SPEN: variants seen among roughly 807,000 people sequenced by gnomAD.
SPEN encodes the protein msx2-interacting protein.
A neutral mutation model predicts 269.9 loss-of-function variants in SPEN; 18 were observed. That is an observed-to-expected ratio of 0.07 (90% CI 0.05 to 0.10). The LOEUF (loss-of-function observed/expected upper bound fraction) is 0.10, where lower values mean the gene tolerates loss of function less well. SPEN is among the 10% of genes least tolerant of loss of function. SPEN has a pLI of 1.00. For synonymous variants in SPEN, 1,726 were observed against 1,765.7 expected (o/e 0.98, Z 0.56); for missense variants, 3,822 against 4,631.2 (o/e 0.83, Z 5.07).
intron 2 of SPEN, among the ~76,000 whole-genome samples, chr1:15,875,154 T>TA (rs1331009885): frequency 3.3e-5 from 5 of 152,244 alleles, no homozygotes; most frequent in Non-Finnish European, 5.9e-5. Context: ...GTAGAGAACT[T>TA]ACGATTTCTT....
intron 1 of SPEN, among the ~76,000 whole-genome samples, chr1:15,863,366 A>G (rs2070466635): frequency 6.6e-6 from 1 of 152,172 alleles, no homozygotes; most frequent in South Asian, 2.1e-4. Context: ...TTTACTGGAA[A>G]CAGATGCCTT....
chr1:15,894,105 A>G (rs2070815761), intron 3 of SPEN, among the ~76,000 whole-genome samples: 1 of 152,190 alleles, frequency 6.6e-6, no homozygotes, highest in South Asian at 2.1e-4. Context: ...GAATTAAAAC[A>G]CACACACACT....
rs2071219047 is a variant in SPEN at position 15,931,366 on chromosome 1, A to C, written c.5126A>C (p.Asp1709Ala). ...QVDLPPGADP[D>A]KEAAMMPAGV... ...GACCTGCCCCCAGGAGCAGACCCCG[A>C]TAAAGAAGCTGCCATGATGCCTGCG... Residue 1709 changes from aspartate (D) to alanine (A), a missense_variant, in exon 11 of 15, where the codon GAT (aspartate) becomes GCT (alanine). This residue lies in a region of SPEN where 533 missense variants were observed against 618.8 expected (regional missense o/e 0.86). Coordinates refer to ENST00000375759, the MANE Select transcript of SPEN (RefSeq NM_015001.3). The surrounding 1 kb of genome is among the most constrained non-coding windows in gnomAD (Gnocchi z 4.8). 6.2e-7 allele frequency: 1 copy of C among 1,614,062 alleles called. No homozygotes were observed. Among genetic ancestry groups the C allele is most frequent in the Admixed American group, 1.7e-5 (1 of 59,998 alleles).
intron 1 of SPEN, among the ~76,000 whole-genome samples, chr1:15,865,846 C>T (rs1051414614): frequency 4.0e-5 from 6 of 150,898 alleles, no homozygotes; most frequent in Non-Finnish European, 5.9e-5. Context: ...TGTCTTTTGA[C>T]TTTATATCTT....
intron 3 of SPEN, among the ~76,000 whole-genome samples, chr1:15,891,694 T>C (rs2492596): frequency 0.11 from 16,093 of 151,936 alleles, 1,223 homozygotes; most frequent in Admixed American, 0.23. Flanking sequence ...CTCGCTATGT[T>C]GCCCAGGCTG....
At chr1:15,910,385 A>G (rs1371876426) in intron 4 of SPEN, among the ~76,000 whole-genome samples, 1 of 152,112 alleles carries the variant, frequency 6.6e-6, no homozygotes, top group Non-Finnish European at 1.5e-5. Flanking sequence ...TTAGCATGCT[A>G]CATGACACTT....
chr1:15,910,689 C>T (rs532548644), intron 4 of SPEN, among the ~76,000 whole-genome samples: 15 of 151,366 alleles, frequency 9.9e-5, no homozygotes, highest in Non-Finnish European at 1.6e-4. Context: ...TATTTACACA[C>T]GTATATTTAT....
intron 6 of SPEN, among the ~76,000 whole-genome samples, chr1:15,917,106 TGACAGAGTGA>T (rs2071074323): frequency 6.6e-6 from 1 of 152,158 alleles, no homozygotes; most frequent in Non-Finnish European, 1.5e-5. Context: ...CCAGCGTGGG[TGACAGAGTGA>T]GACCCTGTCT....
intron 3 of SPEN, among the ~76,000 whole-genome samples, chr1:15,889,322 C>T (rs536451499): frequency 6.6e-6 from 1 of 152,012 alleles, no homozygotes; most frequent in African/African-American, 2.4e-5. Flanking sequence ...TGTGCCACCA[C>T]GCCCAACTAA....
At chr1:15,855,865 GA>G (rs939175572) in intron 1 of SPEN, among the ~76,000 whole-genome samples, 56 of 134,972 alleles carry the variant, frequency 4.1e-4, no homozygotes, top group Admixed American at 1.2e-3. Flanking sequence ...TCTGTCTCGA[GA>G]AAAAAAAAAA....
intron 1 of SPEN, among the ~76,000 whole-genome samples, chr1:15,869,119 C>G (rs1426774083): frequency 2.6e-5 from 4 of 151,872 alleles, no homozygotes; most frequent in Non-Finnish European, 4.4e-5. Context: ...TGCAGTGGCG[C>G]GATCTCGGCT....
chr1:15,893,105 C>T (rs955716446), intron 3 of SPEN, among the ~76,000 whole-genome samples: 2 of 152,064 alleles, frequency 1.3e-5, no homozygotes, highest in African/African-American at 4.8e-5. Context: ...TCTCAAACAA[C>T]AACAACAACA....
intron 3 of SPEN, among the ~76,000 whole-genome samples, chr1:15,885,734 A>AAG (rs2070730740): frequency 6.6e-6 from 1 of 152,192 alleles, no homozygotes; most frequent in Non-Finnish European, 1.5e-5. Context: ...GCTTAATGCT[A>AAG]TTTTGGTACT....
chr1:15,909,524 A>G, intron 4 of SPEN, 43 bp downstream of exon 4: 2 of 1,578,002 alleles, frequency 1.3e-6, no homozygotes, highest in South Asian at 2.3e-5. Flanking sequence ...GCTACTACTG[A>G]GGAATGAGGT....
chr1:15,927,296 C>G (rs1024864613), intron 10 of SPEN, among the ~76,000 whole-genome samples: 2 of 152,082 alleles, frequency 1.3e-5, no homozygotes, highest in African/African-American at 4.8e-5. Flanking sequence ...GGGAAAGTGA[C>G]AACATTTACT....
At chr1:15,924,550 T>C (rs2071149554) in intron 10 of SPEN, among the ~76,000 whole-genome samples, 1 of 152,122 alleles carries the variant, frequency 6.6e-6, no homozygotes, top group Admixed American at 6.5e-5. Flanking sequence ...AACCTCTGCC[T>C]CCTGGGTTCA....
At chr1:15,921,133 C>T in intron 9 of SPEN, 150 bp downstream of exon 9, 2 of 421,794 alleles carry the variant, frequency 4.7e-6, no homozygotes, top group Non-Finnish European at 8.6e-6. Context: ...CGAGACCAGC[C>T]TGATGAACAT....
intron 10 of SPEN, 67 bp downstream of exon 10, chr1:15,922,416 C>T: frequency 9.0e-7 from 1 of 1,109,880 alleles, no homozygotes; most frequent in South Asian, 1.4e-5. Flanking sequence ...CTTAAGATGG[C>T]ATTAAATTTT....
Position 15,847,829 on chromosome 1 carries a change from G to C in SPEN, c.-239G>C, listed in dbSNP as rs530590507. On this transcript the variant is annotated 5_prime_UTR_variant, in exon 1 of 15. Transcript: ENST00000375759. ...CCGGGCGCATGCGCTGCCGGAGCGC[G>C]AGGGTCGGCTTCGGGTGTGTGGTGG... 1,711 of 246,190 alleles carry C rather than the reference G, an allele frequency of 6.9e-3. 18 individuals carry two copies. Among genetic ancestry groups the C allele is most frequent in the Middle Eastern group, 0.03 (25 of 844 alleles). 15.3% of individuals were successfully genotyped at this position (246,190 alleles called of 1,614,324 possible).
Sources: gnomAD v4.1 joint callset for allele counts (sites outside exome capture counted in the v4.1 genomes callset) on GRCh38, gnomAD v4.1.1 for gene constraint, gnomAD v4.1.1 regional missense constraint, Gnocchi (gnomAD v3.1) non-coding constraint, MANE v1.5 for transcripts, NCBI Gene and HGNC (gene_info 2026-07-23, HGNC 2026-07-21) for gene names.